The following ANPEP variants were observed in gnomAD, a reference collection of about 807,000 sequenced individuals.
ANPEP encodes the protein aminopeptidase N.
A neutral mutation model predicts 114.6 loss-of-function variants in ANPEP; 70 were observed. That is an observed-to-expected ratio of 0.61 (90% CI 0.50 to 0.75). The LOEUF is 0.75. ANPEP is among the 30% of genes least tolerant of loss of function. ANPEP has a pLI of 0.00. For missense variants in ANPEP, 1,184 were observed against 1,259.5 expected, an observed-to-expected ratio of 0.94 and a Z score of 0.91; for synonymous variants, 548 against 522.3, an observed-to-expected ratio of 1.05 and a Z score of -0.67.
chr15:89,811,691 T>C (rs1247041745), intron 1 of ANPEP, among the ~76,000 whole-genome samples: 2 of 151,530 alleles, frequency 1.3e-5, no homozygotes, highest in East Asian at 3.9e-4. Context: ...ATTGTTCCTC[T>C]AGGTAGCTCC....
In ANPEP at chr15:89,793,638, G is replaced by T. The variant is rs1489842026; in HGVS notation, c.2158-512C>A. ...GAATCGCTTAAACCCGGGAGGCAGA[G>T]GTTACAGTGAGCTGTGATCACGCCA... is the stretch of plus-strand genomic sequence containing the variant. On this transcript the variant is annotated intron_variant, in intron 15 of 20. Coordinates refer to ENST00000300060, the MANE Select transcript of ANPEP (RefSeq NM_001150.3). Among the ~76,000 whole-genome samples the T allele has an allele frequency of 2.7e-5, 4 of 147,266 alleles. No homozygotes were observed. In the East Asian group the frequency reaches 8.0e-4, roughly 29 times the overall value.
chr15:89,802,035 TG>T (rs1894604347), intron 10 of ANPEP, among the ~76,000 whole-genome samples: 1 of 151,834 alleles, frequency 6.6e-6, no homozygotes. Flanking sequence ...GACTGGGGTG[TG>T]GGGCGGGACT....
intron 1 of ANPEP, among the ~76,000 whole-genome samples, chr15:89,811,590 G>A (rs1203421257): frequency 2.6e-5 from 4 of 151,560 alleles, no homozygotes; most frequent in Non-Finnish European, 4.4e-5. Context: ...AGGTTGCAGT[G>A]GGCCGAAATC....
chr15:89,800,312 C>T (rs1894561576), intron 12 of ANPEP, among the ~76,000 whole-genome samples: 1 of 152,154 alleles, frequency 6.6e-6, no homozygotes, highest in Admixed American at 6.5e-5. Flanking sequence ...CTGACCTCTC[C>T]ATGAACTTGA....
At position 89,805,129 on chromosome 15, in the gene ANPEP, G is replaced by T; in HGVS notation, c.846C>A (p.Phe282Leu). 6.2e-7 allele frequency: 1 copy of T among 1,614,248 alleles called. No homozygotes were observed. The highest frequency in any genetic ancestry group is 8.5e-7 in the Non-Finnish European group (1 of 1,180,038). The change falls in exon 4 of 21, where the codon TTC (phenylalanine) becomes TTA (leucine). Residue 282 changes from phenylalanine to leucine, a missense_variant. Transcript: ENST00000300060. Reference sequence around the variant, plus strand: ...CCACGTAGTCGAACTCACTGACAATGAAGGCCAGCAAGTACGTGGACATCT... The same window carrying T: ...CCACGTAGTCGAACTCACTGACAATTAAGGCCAGCAAGTACGTGGACATCT... ...TPKMSTYLLA[F>L]IVSEFDYVEK...
Position 89,803,927 on chromosome 15 carries a change from A to G in ANPEP, c.1255T>C (p.Tyr419His), listed in dbSNP as rs1894651451. Reference sequence around the variant, plus strand: ...GGCTCCGCATAGTCAGCACCCAGGTACTCCACGTAGGAGGCGAAGCCCTCG... The same window carrying G: ...GGCTCCGCATAGTCAGCACCCAGGTGCTCCACGTAGGAGGCGAAGCCCTCG... ...LNEGFASYVEYLGADYAEPTW... is the reference protein window; with the variant it reads ...LNEGFASYVEHLGADYAEPTW... The change falls in exon 7 of 21, where the codon TAC becomes CAC. Residue 419 changes from tyrosine to histidine, a missense_variant. Physicochemically the swap from Tyr to His is moderately conservative, Grantham distance 83 (BLOSUM62 2). Coordinates refer to ENST00000300060, the MANE Select transcript of ANPEP (RefSeq NM_001150.3). The surrounding 1 kb of genome is among the most constrained non-coding windows in gnomAD (Gnocchi z 4.2). The G allele has an allele frequency of 6.2e-7, 1 of 1,613,878 alleles. No individual in the cohort carries two copies. Among genetic ancestry groups the G allele is most frequent in the Admixed American group, 1.7e-5 (1 of 59,998 alleles).
At position 89,792,441 on chromosome 15, in the gene ANPEP, G is replaced by C. The variant is rs1968649241; in HGVS notation, c.2360+11C>G. 1 of 1,613,816 alleles carries C rather than the reference G, an allele frequency of 6.2e-7. No homozygotes were observed. Among genetic ancestry groups the C allele is most frequent in the African/African-American group, 1.3e-5 (1 of 75,016 alleles). ...GAAGACTGGCAGAGGAGGCGCAGGGGAGACACTCACGGGTTATTATTGGGG... is the reference window on the plus strand; with the variant it reads ...GAAGACTGGCAGAGGAGGCGCAGGGCAGACACTCACGGGTTATTATTGGGG... On this transcript the variant is annotated intron_variant, in intron 17 of 20. Transcript: ENST00000300060.
chr15:89,811,578 G>A (rs1481077314), intron 1 of ANPEP, among the ~76,000 whole-genome samples: 3 of 151,626 alleles, frequency 2.0e-5, no homozygotes, highest in Admixed American at 1.3e-4. Context: ...CCCGGGAGGC[G>A]GAGGTTGCAG....
chr15:89,792,639 G>T, intron 16 of ANPEP, 77 bp from the exon 17 acceptor site: 1 of 1,299,988 alleles, frequency 7.7e-7, no homozygotes. Context: ...ACAACCCCAG[G>T]CCGGCACCCT....
intron 15 of ANPEP, among the ~76,000 whole-genome samples, chr15:89,796,869 A>G (rs1968738070): frequency 6.6e-6 from 1 of 152,166 alleles, no homozygotes; most frequent in East Asian, 1.9e-4. Flanking sequence ...CACACCCTGA[A>G]ATGGATATTC....
rs919341338 is a variant in ANPEP at position 89,803,816 on chromosome 15, A to G, written c.1294-26T>C. On this transcript the variant is annotated intron_variant, in intron 7 of 20. Transcript: ENST00000300060. The surrounding 1 kb of genome is among the most constrained non-coding windows in gnomAD (Gnocchi z 4.2). ...CTGCAAATTCCCCAGGGCCATCAGGAGACTGGCCTGGTAGCGGTGGCCCAG... is the reference window on the plus strand; with the variant it reads ...CTGCAAATTCCCCAGGGCCATCAGGGGACTGGCCTGGTAGCGGTGGCCCAG... 2.5e-6 allele frequency: 4 copies of G among 1,611,158 alleles called. No homozygotes were observed. The highest frequency in any genetic ancestry group is 3.4e-6 in the Non-Finnish European group (4 of 1,177,806).
chr15:89,795,049 A>G (rs1379001576), intron 15 of ANPEP, among the ~76,000 whole-genome samples: 1 of 151,740 alleles, frequency 6.6e-6, no homozygotes, highest in African/African-American at 2.4e-5. Context: ...ACTTGAAAAG[A>G]GGCCAAAACA....
chr15:89,813,089 C>A (rs533966221), intron 1 of ANPEP, among the ~76,000 whole-genome samples: 1 of 152,104 alleles, frequency 6.6e-6, no homozygotes, highest in Non-Finnish European at 1.5e-5. Context: ...GAAGCCCGGG[C>A]TAGGGATAGA....
Position 89,804,382 on chromosome 15 carries a change from G to A in ANPEP, c.1050C>T (p.Asn350=), listed in dbSNP as rs372707879. 3.4e-5 allele frequency: 55 copies of A among 1,614,096 alleles called. No homozygotes were observed. The highest frequency in any genetic ancestry group is 4.2e-5 in the Non-Finnish European group (50 of 1,180,048). The stretch of plus-strand genomic sequence containing the variant: ...GTCCCCAGTTCTCCATGGCGCCGGC[G>A]TTGAAGTCTGGCAGGCCAATCTGGT... The part of the protein sequence containing the change: ...KSDQIGLPDF[N]AGAMENWGLV... The change falls in exon 6 of 21, where the codon AAC becomes AAT. Residue 350 remains asparagine, a synonymous_variant. Transcript: ENST00000300060.
chr15:89,799,678 G>T lies in ANPEP; in HGVS notation c.1820-119C>A. 1 of 1,440,892 alleles carries T rather than the reference G, an allele frequency of 6.9e-7. No homozygotes were observed. The highest frequency in any genetic ancestry group is 9.5e-7 in the Non-Finnish European group (1 of 1,049,678). The allele number at this position is 1,440,892 out of a possible 1,614,324, so 89.3% of individuals were successfully genotyped here. A position where few individuals can be genotyped will look rare whatever the true frequency, so the allele number is the denominator to read the frequency against. The stretch of plus-strand genomic sequence containing the variant: ...ACCACCTCACCCTCAAGCTGCTGGG[G>T]AGACGCTAAGGGTGGGGAAGGAAGG... On this transcript the variant is annotated intron_variant, in intron 12 of 20. Coordinates refer to ENST00000300060, the MANE Select transcript of ANPEP (RefSeq NM_001150.3). The surrounding 1 kb of genome is among the most constrained non-coding windows in gnomAD (Gnocchi z 4.2).
chr15:89,806,753 C>G lies in ANPEP; in HGVS notation c.-170G>C. 9.2e-7 allele frequency: 1 copy of G among 1,082,262 alleles called. No homozygotes were observed. The highest frequency in any genetic ancestry group is 1.3e-6 in the Non-Finnish European group (1 of 782,850). The allele number at this position is 1,082,262 out of a possible 1,614,324, so 67.0% of individuals were successfully genotyped here. A position where few individuals can be genotyped will look rare whatever the true frequency, so the allele number is the denominator to read the frequency against. On this transcript the variant is annotated 5_prime_UTR_variant, in exon 2 of 21. Coordinates refer to ENST00000300060, the MANE Select transcript of ANPEP (RefSeq NM_001150.3). This position sits in a 1 kb window ranked among gnomAD's most constrained non-coding sequence, Gnocchi z 5.7. Reference sequence around the variant, plus strand: ...CACTGGACTGGGCAGGGGCACGCTCCGCCTGGGGAGAGGAGATCCAGGAAC... The same window carrying G: ...CACTGGACTGGGCAGGGGCACGCTCGGCCTGGGGAGAGGAGATCCAGGAAC...
intron 17 of ANPEP, 61 bp downstream of exon 17, chr15:89,792,391 G>A: frequency 2.5e-6 from 4 of 1,612,926 alleles, no homozygotes; most frequent in South Asian, 1.1e-5. Context: ...GGGTTCTGCT[G>A]AGGACGGGGC....
intron 20 of ANPEP, among the ~76,000 whole-genome samples, chr15:89,786,537 C>T (rs973465319): frequency 1.3e-5 from 2 of 152,020 alleles, no homozygotes; most frequent in Non-Finnish European, 2.9e-5. Flanking sequence ...CAGAAAAATA[C>T]AGAACATTAG....
At chr15:89,808,874 T>C (rs1051401033) in intron 1 of ANPEP, among the ~76,000 whole-genome samples, 3 of 152,164 alleles carry the variant, frequency 2.0e-5, no homozygotes, top group Non-Finnish European at 4.4e-5. Flanking sequence ...AAAACACAAA[T>C]ACCTGCCGCC....
Sources: allele counts gnomAD v4.1 joint callset (sites outside exome capture counted in the v4.1 genomes callset), GRCh38; gene constraint gnomAD v4.1.1; non-coding constraint Gnocchi (gnomAD v3.1); transcripts MANE v1.5; gene names NCBI Gene and HGNC (gene_info 2026-07-23, HGNC 2026-07-21).